Variants in ZNF438 observed in about 807,000 individuals in gnomAD.
The protein encoded by ZNF438 is zinc finger protein 438.
A neutral mutation model predicts 38.0 loss-of-function variants in ZNF438; 25 were observed. The ratio of observed to expected loss-of-function variants is 0.66; its 90% CI spans 0.48 to 0.92. The LOEUF is 0.92. Ranked by LOEUF, ZNF438 falls within the 40% of genes least tolerant of loss-of-function variation. The pLI is 0.00. For missense variants in ZNF438, 1,007 were observed against 999.6 expected (o/e 1.01, Z -0.10); for synonymous variants, 372 against 364.1 (o/e 1.02, Z -0.25).
chr10:31,019,262 A>G (rs1005372183), intron 1 of ZNF438, among the ~76,000 whole-genome samples: 8 of 152,234 alleles, frequency 5.3e-5, no homozygotes, highest in African/African-American at 1.4e-4. Flanking sequence ...AAGTCTTCAC[A>G]CAATGTGCCC....
intron 2 of ZNF438, among the ~76,000 whole-genome samples, chr10:30,910,634 C>T (rs1054850408): frequency 2.0e-5 from 3 of 150,500 alleles, no homozygotes; most frequent in Non-Finnish European, 3.0e-5. Flanking sequence ...TGATATAGCA[C>T]CCCTTTAAAG....
intron 1 of ZNF438, among the ~76,000 whole-genome samples, chr10:31,004,028 G>A (rs1241427499): frequency 6.6e-6 from 1 of 152,204 alleles, no homozygotes; most frequent in Non-Finnish European, 1.5e-5. Context: ...ATCCTCAGAA[G>A]AGAACTTCAG....
At chr10:30,929,278 G>C (rs1351340385) in intron 2 of ZNF438, among the ~76,000 whole-genome samples, 1 of 152,176 alleles carries the variant, frequency 6.6e-6, no homozygotes, top group East Asian at 1.9e-4. Context: ...AGTTCTTACA[G>C]GTCGTGTGTT....
chr10:30,969,032 G>T (rs940086502), intron 1 of ZNF438, among the ~76,000 whole-genome samples: 1 of 152,090 alleles, frequency 6.6e-6, no homozygotes, highest in Non-Finnish European at 1.5e-5. Context: ...GAAAAAAGTG[G>T]CATTTCCAAT....
exon 5 of ZNF438, chr10:30,849,285 T>C (rs1402266727): frequency 1.2e-6 from 2 of 1,614,094 alleles, no homozygotes; most frequent in African/African-American, 1.3e-5. Context: ...CTGTTCAGTT[T>C]TGTTTTGTGG....
intron 2 of ZNF438, among the ~76,000 whole-genome samples, chr10:30,932,223 T>C (rs2045770806): frequency 6.6e-6 from 1 of 151,154 alleles, no homozygotes; most frequent in Admixed American, 6.6e-5. Context: ...TTGTATGCAT[T>C]AAAAAAAAAC....
At chr10:31,005,762 A>T (rs1356770947) in intron 1 of ZNF438, among the ~76,000 whole-genome samples, 5 of 152,170 alleles carry the variant, frequency 3.3e-5, no homozygotes, top group Non-Finnish European at 7.4e-5. Flanking sequence ...TATATACAAT[A>T]AAAAAATAGG....
rs953273911 is a variant in ZNF438, at chr10:30,868,159, T to A, written c.37+8839A>T. Among the ~76,000 whole-genome samples, 11 of 152,036 alleles carry A rather than the reference T, an allele frequency of 7.2e-5. No homozygotes were observed. The East Asian group carries it at 1.4e-3, about 19-fold the overall frequency. On this transcript the variant is annotated intron_variant, in intron 4 of 5. Coordinates refer to ENST00000413025, the Ensembl canonical transcript of ZNF438. ...ATCTCAACTCACTGCAACTTCCGTC[T>A]CCCCAGTTCAAGCAATTCTTTTGCC...
chr10:30,961,273 A>C (rs2049455269), intron 1 of ZNF438, among the ~76,000 whole-genome samples: 1 of 144,610 alleles, frequency 6.9e-6, no homozygotes, highest in African/African-American at 2.5e-5. Context: ...AAAATTTTTT[A>C]ATTTATTATA....
intron 1 of ZNF438, among the ~76,000 whole-genome samples, chr10:30,972,714 G>A (rs2050882313): frequency 6.6e-6 from 1 of 152,148 alleles, no homozygotes; most frequent in Non-Finnish European, 1.5e-5. Flanking sequence ...TGATGACAGA[G>A]AGAAAGCAGC....
chr10:30,871,444 C>G (rs1347109527), intron 4 of ZNF438, among the ~76,000 whole-genome samples: 2 of 152,068 alleles, frequency 1.3e-5, no homozygotes, highest in Non-Finnish European at 2.9e-5. Context: ...CTACTACATG[C>G]CAGGACGCTT....
At chr10:31,001,373 G>A (rs745488356) in intron 1 of ZNF438, among the ~76,000 whole-genome samples, 11 of 152,158 alleles carry the variant, frequency 7.2e-5, no homozygotes, top group Admixed American at 2.6e-4. Context: ...AAAATGCTTG[G>A]GGACCTAATT....
chr10:31,028,695 C>A (rs1343923773), intron 1 of ZNF438, among the ~76,000 whole-genome samples: 1 of 152,184 alleles, frequency 6.6e-6, no homozygotes, highest in Non-Finnish European at 1.5e-5. Context: ...CCCTGCTCCT[C>A]TAAGGTAAAG....
intron 1 of ZNF438, among the ~76,000 whole-genome samples, chr10:30,966,964 T>C (rs2136145286): frequency 6.6e-6 from 1 of 152,272 alleles, no homozygotes; most frequent in Middle Eastern, 3.4e-3. Context: ...AGAGATACTG[T>C]TTCGTTTCAG....
exon 5 of ZNF438, chr10:30,848,860 G>A: frequency 6.2e-7 from 1 of 1,614,256 alleles, no homozygotes; most frequent in South Asian, 1.1e-5. Context: ...TGAACTGGAA[G>A]TGGTGGTTGC....
chr10:30,878,708 C>T (rs1378783887), intron 3 of ZNF438, among the ~76,000 whole-genome samples: 1 of 152,176 alleles, frequency 6.6e-6, no homozygotes, highest in African/African-American at 2.4e-5. Context: ...GGCATTGTAG[C>T]ATGCCCTCTG....
At chr10:30,847,747 C>T (rs902490839) in intron 5 of ZNF438, among the ~76,000 whole-genome samples, 5 of 152,240 alleles carry the variant, frequency 3.3e-5, no homozygotes, top group African/African-American at 1.2e-4. Context: ...TGTGATGTGC[C>T]TGGTCCAGCC....
At chr10:30,953,673 A>C (rs1459282605) in intron 1 of ZNF438, among the ~76,000 whole-genome samples, 107 of 151,728 alleles carry the variant, frequency 7.1e-4, no homozygotes, top group East Asian at 2.5e-3. Context: ...CACACACAAA[A>C]AAAAAACAAA....
chr10:30,929,461 T>G (rs1233372781), intron 2 of ZNF438, among the ~76,000 whole-genome samples: 1 of 152,186 alleles, frequency 6.6e-6, no homozygotes, highest in Non-Finnish European at 1.5e-5. Flanking sequence ...CTCGCTGGCC[T>G]CAGAAGTGAA....
Sources: gnomAD v4.1 joint callset for allele counts (sites outside exome capture counted in the v4.1 genomes callset) on GRCh38, gnomAD v4.1.1 for gene constraint, MANE v1.5 for transcripts, NCBI Gene and HGNC (gene_info 2026-07-23, HGNC 2026-07-21) for gene names.